Variants in APBA1 observed in about 807,000 individuals in gnomAD.
APBA1 encodes amyloid-beta A4 precursor protein-binding family A member 1.
Under a neutral mutation model 86.6 loss-of-function variants are expected in APBA1, and 55 were observed. The ratio of observed to expected loss-of-function variants is 0.64; its 90% CI spans 0.51 to 0.80. The LOEUF (loss-of-function observed/expected upper bound fraction) is 0.80, where lower values mean the gene tolerates loss of function less well. APBA1 is among the 30% of genes least tolerant of loss of function. APBA1 has a pLI of 0.00. For missense variants in APBA1, 1,090 were observed against 1,183.0 expected (o/e 0.92, Z 1.15); for synonymous variants, 511 against 493.9 (o/e 1.03, Z -0.46).
intron 1 of APBA1, among the ~76,000 whole-genome samples, chr9:69,612,967 T>G (rs899205857): frequency 2.6e-5 from 4 of 152,122 alleles, no homozygotes; most frequent in Non-Finnish European, 5.9e-5. Flanking sequence ...TGGTAGATTT[T>G]TGTCCTAACG....
At chr9:69,491,510 G>A (rs1588316923) in intron 2 of APBA1, among the ~76,000 whole-genome samples, 1 of 151,806 alleles carries the variant, frequency 6.6e-6, no homozygotes, top group East Asian at 1.9e-4. Context: ...TGTAAATGAT[G>A]AGTTAATGGG....
rs563543994 is a variant in APBA1, at chr9:69,540,045, G to A, written c.-69-22766C>T. On this transcript the variant is annotated intron_variant, in intron 1 of 12. Coordinates refer to ENST00000265381, the MANE Select transcript of APBA1 (RefSeq NM_001163.4). ...TGAGGCAGGAGAATTGCTTGAACTCGGGAGGCGGAGGTTGCAGTGAGCTGA... is the reference window on the plus strand; with the variant it reads ...TGAGGCAGGAGAATTGCTTGAACTCAGGAGGCGGAGGTTGCAGTGAGCTGA... 1.7e-4 allele frequency among the ~76,000 whole-genome samples: 26 copies of A among 152,004 alleles called. No individual in the cohort carries two copies. In the East Asian group the frequency reaches 2.7e-3, roughly 16 times the overall value.
intron 8 of APBA1, among the ~76,000 whole-genome samples, chr9:69,454,705 G>C (rs1835066328): frequency 6.6e-6 from 1 of 152,112 alleles, no homozygotes; most frequent in Non-Finnish European, 1.5e-5. Context: ...GTACCCCAAG[G>C]AGAAGAAACC....
At chr9:69,512,013 C>T (rs1405063233) in intron 2 of APBA1, among the ~76,000 whole-genome samples, 20 of 151,012 alleles carry the variant, frequency 1.3e-4, no homozygotes, top group Admixed American at 2.6e-4. Flanking sequence ...GCATGGCACA[C>T]GTATACATAT....
intron 2 of APBA1, among the ~76,000 whole-genome samples, chr9:69,504,366 C>T (rs1349976376): frequency 6.6e-6 from 1 of 152,012 alleles, no homozygotes; most frequent in Admixed American, 6.5e-5. Context: ...TTGAAGAGTT[C>T]CTCAATTTTG....
intron 1 of APBA1, among the ~76,000 whole-genome samples, chr9:69,550,996 A>G (rs1836776282): frequency 2.0e-5 from 3 of 152,230 alleles, no homozygotes; most frequent in Admixed American, 1.3e-4. Flanking sequence ...ACATTATATG[A>G]ATATCTTAAA....
At chr9:69,610,948 G>C (rs935439540) in intron 1 of APBA1, among the ~76,000 whole-genome samples, 1 of 151,900 alleles carries the variant, frequency 6.6e-6, no homozygotes. Context: ...TAAAGGTAGA[G>C]CCTTCTAAGT....
intron 1 of APBA1, among the ~76,000 whole-genome samples, chr9:69,563,093 G>C (rs997902200): frequency 1.1e-4 from 16 of 152,138 alleles, no homozygotes; most frequent in Admixed American, 3.3e-4. Context: ...CCATTGGCTG[G>C]GGTAAACTCG....
In APBA1 at chr9:69,502,770, G is replaced by A. The variant is rs377165804; in HGVS notation, c.1200+13241C>T. Among the ~76,000 whole-genome samples, 12 of 152,068 alleles carry A rather than the reference G, an allele frequency of 7.9e-5. No homozygotes were observed. The South Asian group carries it at 2.1e-3, about 26-fold the overall frequency. ...TATACAAACCTGAGGAGAAATGAAC[G>A]CATCACACTTCACCTCAGCAAGCAT... On this transcript the variant is annotated intron_variant, in intron 2 of 12. Coordinates refer to ENST00000265381, the MANE Select transcript of APBA1 (RefSeq NM_001163.4).
At chr9:69,634,596 A>C (rs1823118818) in intron 1 of APBA1, among the ~76,000 whole-genome samples, 2 of 152,168 alleles carry the variant, frequency 1.3e-5, no homozygotes, top group African/African-American at 4.8e-5. Flanking sequence ...AACCTAGAGA[A>C]AGATATCAAT....
At chr9:69,650,374 A>G (rs1376712863) in intron 1 of APBA1, among the ~76,000 whole-genome samples, 1 of 152,252 alleles carries the variant, frequency 6.6e-6, no homozygotes, top group Non-Finnish European at 1.5e-5. Flanking sequence ...AAGATGTTTA[A>G]CAGCATTCTG....
intron 3 of APBA1, among the ~76,000 whole-genome samples, chr9:69,475,075 G>C (rs1480053067): frequency 1.3e-5 from 2 of 152,208 alleles, no homozygotes; most frequent in Admixed American, 6.5e-5. Context: ...CCTGATGTTG[G>C]CTCATTAGCA....
chr9:69,510,809 T>C (rs370373498), intron 2 of APBA1, among the ~76,000 whole-genome samples: 23 of 146,098 alleles, frequency 1.6e-4, no homozygotes, highest in African/African-American at 5.5e-4. Context: ...CTGAGAAAAA[T>C]AAGCAATGGG....
At chr9:69,511,247 C>CA in intron 2 of APBA1, among the ~76,000 whole-genome samples, 1 of 152,326 alleles carries the variant, frequency 6.6e-6, no homozygotes, top group East Asian at 1.9e-4. Context: ...ACAACCCCAT[C>CA]AAAAAGTGGC....
chr9:69,467,786 GC>G, intron 5 of APBA1, 36 bp downstream of exon 5: 1 of 1,612,914 alleles, frequency 6.2e-7, no homozygotes, highest in Non-Finnish European at 8.5e-7. Context: ...GCCTACACCA[GC>G]CCCCTGTCCC....
chr9:69,451,088 T>A (rs562230652), intron 9 of APBA1, among the ~76,000 whole-genome samples: 1 of 152,350 alleles, frequency 6.6e-6, no homozygotes, highest in African/African-American at 2.4e-5. Context: ...ATATACCCCC[T>A]GTCCAGCCTT....
intron 5 of APBA1, among the ~76,000 whole-genome samples, chr9:69,458,712 T>TC (rs1430590823): frequency 6.6e-6 from 1 of 152,244 alleles, no homozygotes; most frequent in Non-Finnish European, 1.5e-5. Flanking sequence ...AAATTTTTTT[T>TC]CAAATTTCCA....
At chr9:69,536,037 C>A (rs1453183876) in intron 1 of APBA1, among the ~76,000 whole-genome samples, 4 of 80,530 alleles carry the variant, frequency 5.0e-5, no homozygotes, top group Admixed American at 3.5e-4. Flanking sequence ...AGATGGCGTG[C>A]AGTTTTTTGT....
At chr9:69,451,995 C>G (rs974419280) in intron 9 of APBA1, 127 bp downstream of exon 9, 3 of 892,012 alleles carry the variant, frequency 3.4e-6, no homozygotes, top group Non-Finnish European at 5.4e-6. Context: ...TGAACGACTT[C>G]ATGATGTCCT....
Sources: allele counts gnomAD v4.1 joint callset (sites outside exome capture counted in the v4.1 genomes callset), GRCh38; gene constraint gnomAD v4.1.1; transcripts MANE v1.5; gene names NCBI Gene and HGNC (gene_info 2026-07-23, HGNC 2026-07-21).